The following HPSE2 variants were observed in gnomAD, a reference collection of about 807,000 sequenced individuals.
HPSE2 encodes the protein heparanase 2 (inactive).
Under a neutral mutation model 60.5 loss-of-function variants are expected in HPSE2, and 38 were observed. That is an observed-to-expected ratio of 0.63 (90% CI 0.48 to 0.82). HPSE2 has a LOEUF of 0.82. Ranked by LOEUF, HPSE2 falls within the 40% of genes least tolerant of loss-of-function variation. The pLI, the probability that HPSE2 is intolerant of heterozygous loss-of-function variation, is 0.00. For synonymous variants in HPSE2, 295 were observed against 293.2 expected (o/e 1.01, Z -0.06); for missense variants, 713 against 740.4 (o/e 0.96, Z 0.43).
At chr10:98,713,628 G>A (rs1403575704) in intron 5 of HPSE2, among the ~76,000 whole-genome samples, 1 of 151,978 alleles carries the variant, frequency 6.6e-6, no homozygotes, top group African/African-American at 2.4e-5. Flanking sequence ...GATTCCGAAT[G>A]TAAACTAATA....
intron 3 of HPSE2, among the ~76,000 whole-genome samples, chr10:98,863,154 T>C (rs891623561): frequency 2.6e-5 from 4 of 152,142 alleles, no homozygotes; most frequent in African/African-American, 9.7e-5. Flanking sequence ...AAGGGGTAAA[T>C]TTTTGTTGAC....
intron 3 of HPSE2, among the ~76,000 whole-genome samples, chr10:99,094,540 ATTTTTTTTTTTTTTTTT>A (rs531721304): frequency 1.5e-4 from 4 of 26,608 alleles, no homozygotes; most frequent in Non-Finnish European, 1.2e-4. Context: ...ATATATATAT[ATTTTTTTTTTTTTTTTT>A]TTTTTTTTTT....
At chr10:98,645,831 G>A (rs1051858071) in intron 6 of HPSE2, among the ~76,000 whole-genome samples, 35 of 151,920 alleles carry the variant, frequency 2.3e-4, no homozygotes, top group African/African-American at 6.0e-4. Context: ...ACAATTAGCC[G>A]GGGCGTGGTG....
chr10:99,304,080 C>G, the HPSE2 span, among the ~76,000 whole-genome samples: 2 of 152,322 alleles, frequency 1.3e-5, no homozygotes, highest in South Asian at 4.1e-4. Context: ...CTCTGCCCTT[C>G]TGAAGCCTGT....
chr10:99,050,316 C>T (rs370864701), intron 3 of HPSE2, among the ~76,000 whole-genome samples: 1 of 151,668 alleles, frequency 6.6e-6, no homozygotes, highest in African/African-American at 2.4e-5. Context: ...AAAAAAAACC[C>T]CTAAAACTTG....
At chr10:98,743,455 A>G (rs1288061453) in intron 4 of HPSE2, among the ~76,000 whole-genome samples, 1 of 152,252 alleles carries the variant, frequency 6.6e-6, no homozygotes, top group Non-Finnish European at 1.5e-5. Context: ...GGAGGTTCAC[A>G]TACTGTATAA....
intron 9 of HPSE2, among the ~76,000 whole-genome samples, chr10:98,505,162 C>T (rs1410091291): frequency 6.6e-6 from 1 of 152,128 alleles, no homozygotes; most frequent in African/African-American, 2.4e-5. Context: ...AATTCTTGTT[C>T]CTGTTTCCTT....
At chr10:98,796,018 A>G (rs1215750325) in intron 3 of HPSE2, among the ~76,000 whole-genome samples, 2 of 151,838 alleles carry the variant, frequency 1.3e-5, no homozygotes, top group Non-Finnish European at 2.9e-5. Context: ...ATAACCACCA[A>G]TGATACCCAA....
In HPSE2 at chr10:98,851,866, A is replaced by G. The variant is rs147498855; in HGVS notation, c.611-107810T>C. On this transcript the variant is annotated intron_variant, in intron 3 of 11. Transcript: ENST00000370552. ...AAAAATCACTTATTACCTAGACAAA[A>G]CCAGGTTGGTAATGCTTCTTCCTTA... 1.0e-3 allele frequency among the ~76,000 whole-genome samples: 159 copies of G among 152,262 alleles called. 1 individual carries two copies. Among genetic ancestry groups the G allele is most frequent in the African/African-American group, 3.7e-3 (154 of 41,578 alleles).
At chr10:98,498,183 G>A (rs1941914824) in intron 9 of HPSE2, among the ~76,000 whole-genome samples, 1 of 152,160 alleles carries the variant, frequency 6.6e-6, no homozygotes. Context: ...CAGATCAACT[G>A]CAAGAACAAC....
At chr10:98,741,392 T>C (rs1004746527) in intron 4 of HPSE2, among the ~76,000 whole-genome samples, 3 of 152,148 alleles carry the variant, frequency 2.0e-5, no homozygotes, top group African/African-American at 7.2e-5. Flanking sequence ...GGTGTCTAAA[T>C]AACATTTTTT....
chr10:98,753,294 T>C (rs1028933485), intron 3 of HPSE2, among the ~76,000 whole-genome samples: 5 of 152,162 alleles, frequency 3.3e-5, no homozygotes, highest in Non-Finnish European at 7.4e-5. Context: ...CGCTTTGCAT[T>C]GCTGGTGGGA....
chr10:98,723,803 T>C (rs927198244), intron 4 of HPSE2, among the ~76,000 whole-genome samples: 3 of 152,198 alleles, frequency 2.0e-5, no homozygotes. Context: ...GTGGGATCGG[T>C]GGTGATATCC....
chr10:99,227,409 T>C (rs1442107877), intron 2 of HPSE2, among the ~76,000 whole-genome samples: 1 of 152,060 alleles, frequency 6.6e-6, no homozygotes, highest in Non-Finnish European at 1.5e-5. Context: ...TACAATTTTT[T>C]AAAATGTAGT....
In HPSE2 at chr10:99,224,708, A is replaced by G. The variant is rs1173876520; in HGVS notation, c.448+7640T>C. Among the ~76,000 whole-genome samples, 7 of 152,260 alleles carry G rather than the reference A, an allele frequency of 4.6e-5. No homozygotes were observed. The East Asian group carries it at 1.2e-3, about 25-fold the overall frequency. On this transcript the variant is annotated intron_variant, in intron 2 of 11. Coordinates refer to ENST00000370552, the MANE Select transcript of HPSE2 (RefSeq NM_021828.5). The stretch of plus-strand genomic sequence containing the variant: ...AGTAGGGATTGCGAGACCAGGAGAG[A>G]TAATTTAAATGAATTTGGCAGATGA...
At chr10:98,837,970 G>T (rs775744558) in intron 3 of HPSE2, among the ~76,000 whole-genome samples, 1 of 151,800 alleles carries the variant, frequency 6.6e-6, no homozygotes, top group Non-Finnish European at 1.5e-5. Flanking sequence ...AGAAACCAGA[G>T]TAATAGATAC....
intron 3 of HPSE2, among the ~76,000 whole-genome samples, chr10:99,000,636 G>A (rs986653981): frequency 3.9e-5 from 6 of 152,010 alleles, no homozygotes; most frequent in East Asian, 1.9e-4. Flanking sequence ...TCAAGAGCTC[G>A]GATTCAGGCA....
intron 3 of HPSE2, among the ~76,000 whole-genome samples, chr10:98,792,516 A>G (rs746431147): frequency 2.0e-5 from 3 of 152,254 alleles, no homozygotes; most frequent in Non-Finnish European, 2.9e-5. Context: ...TTCTTACTGA[A>G]TTGGAAAGAA....
rs868575826 is a variant in HPSE2, at chr10:98,614,296, G to T, written c.1320+608C>A. ...ATCTCAACTGCACAAGGATTGTTTT[G>T]TTTTTTTTTTTTTTGAGACGGAGTC... On this transcript the variant is annotated intron_variant, in intron 9 of 11. Transcript: ENST00000370552. Among the ~76,000 whole-genome samples the T allele has an allele frequency of 7.0e-3, 1,013 of 144,916 alleles. 7 individuals are homozygous for T. The highest frequency in any genetic ancestry group is 0.026 in the South Asian group (119 of 4,602).
Sources: gnomAD v4.1 joint callset for allele counts (sites outside exome capture counted in the v4.1 genomes callset) on GRCh38, gnomAD v4.1.1 for gene constraint, MANE v1.5 for transcripts, NCBI Gene and HGNC (gene_info 2026-07-23, HGNC 2026-07-21) for gene names.